The following BRF1 variants were observed in gnomAD, a reference collection of about 807,000 sequenced individuals.
The protein encoded by BRF1 is transcription factor IIIB 90 kDa subunit.
Under a neutral mutation model 81.7 loss-of-function variants are expected in BRF1, and 59 were observed. The ratio of observed to expected loss-of-function variants is 0.72; its 90% CI spans 0.59 to 0.90. The LOEUF is 0.90. Among genes scored for constraint, BRF1 ranks in the 40% least tolerant of loss-of-function variants. The pLI is 0.00. For missense variants in BRF1, 1,050 were observed against 936.3 expected, an observed-to-expected ratio of 1.12 and a Z score of -1.58; for synonymous variants, 491 against 395.6, an observed-to-expected ratio of 1.24 and a Z score of -2.86.
chr14:105,295,605 G>A (rs1394857505), intron 1 of BRF1, among the ~76,000 whole-genome samples: 3 of 151,500 alleles, frequency 2.0e-5, no homozygotes. Context: ...CCTAGACCCT[G>A]TCTCCCCAAC....
At chr14:105,292,414 T>C (rs1487904055) in intron 1 of BRF1, among the ~76,000 whole-genome samples, 2 of 152,226 alleles carry the variant, frequency 1.3e-5, no homozygotes, top group Non-Finnish European at 2.9e-5. Context: ...AGTTTCACTA[T>C]GTTGCCCACG....
chr14:105,307,786 T>C (rs1451646774), intron 1 of BRF1, among the ~76,000 whole-genome samples: 1 of 152,228 alleles, frequency 6.6e-6, no homozygotes, highest in Admixed American at 6.5e-5. Flanking sequence ...ATGGAGGACA[T>C]GTGTCTGGTA....
intron 16 of BRF1, chr14:105,211,499 C>T: frequency 1.8e-6 from 1 of 565,450 alleles, no homozygotes; most frequent in South Asian, 2.3e-5. Context: ...ATCAAGATCC[C>T]ACCCTCAGGC....
At chr14:105,247,179 G>T in intron 5 of BRF1, 1 of 985,498 alleles carries the variant, frequency 1.0e-6, no homozygotes, top group Non-Finnish European at 1.2e-6. Flanking sequence ...GCCTCGGTGG[G>T]TGTGTCCTTG....
intron 1 of BRF1, among the ~76,000 whole-genome samples, chr14:105,306,468 T>G (rs1262794353): frequency 6.6e-6 from 1 of 151,940 alleles, no homozygotes; most frequent in Non-Finnish European, 1.5e-5. Flanking sequence ...CATGCCCGGC[T>G]AATTTTTTGT....
At chr14:105,294,226 C>G (rs1333839792) in intron 1 of BRF1, among the ~76,000 whole-genome samples, 3 of 152,266 alleles carry the variant, frequency 2.0e-5, no homozygotes, top group East Asian at 1.9e-4. Context: ...CCTCGCAGCA[C>G]TTCCCCCAGG....
chr14:105,314,717 GGGGCGCC>G (rs2058483904), intron 1 of BRF1: 1 of 143,074 alleles, frequency 7.0e-6, no homozygotes, highest in African/African-American at 2.5e-5. Flanking sequence ...GGGCGCGGGC[GGGGCGCC>G]GGGCGGGGCG....
In BRF1 at chr14:105,209,446, T is replaced by A. The variant is rs1310244734; in HGVS notation, c.*1105A>T. The A allele has an allele frequency of 7.2e-6, 5 of 695,038 alleles. No homozygotes were observed. In the South Asian group the frequency reaches 7.5e-5, roughly 10 times the overall value. 43.1% of individuals were successfully genotyped at this position (695,038 alleles called of 1,614,324 possible). On this transcript the variant is annotated 3_prime_UTR_variant, in exon 18 of 18. Coordinates refer to ENST00000547530, the MANE Select transcript of BRF1 (RefSeq NM_001519.4). Reference sequence around the variant, plus strand: ...AAGTTGGGGCAGGACATACAGCCCATTCCATGGGGAGGATGAGGCCCCTGG... The same window carrying A: ...AAGTTGGGGCAGGACATACAGCCCAATCCATGGGGAGGATGAGGCCCCTGG...
intron 5 of BRF1, chr14:105,249,381 T>C (rs764421382): frequency 3.1e-6 from 5 of 1,612,208 alleles, no homozygotes; most frequent in African/African-American, 1.3e-5. Flanking sequence ...TGTCGGCAGC[T>C]CCGTCTTCTA....
intron 3 of BRF1, among the ~76,000 whole-genome samples, chr14:105,265,029 A>G (rs1376041172): frequency 1.3e-5 from 2 of 151,452 alleles, no homozygotes; most frequent in Non-Finnish European, 2.9e-5. Context: ...ACATCAAGTC[A>G]TAAGTTCTAC....
intron 2 of BRF1, among the ~76,000 whole-genome samples, chr14:105,282,531 G>GA (rs1200966241): frequency 2.6e-5 from 4 of 152,210 alleles, no homozygotes; most frequent in African/African-American, 9.7e-5. Context: ...GGGCTGATAT[G>GA]AAAACTTCAA....
intron 1 of BRF1, among the ~76,000 whole-genome samples, chr14:105,296,467 T>C (rs1352691449): frequency 6.7e-6 from 1 of 148,838 alleles, no homozygotes; most frequent in Admixed American, 6.7e-5. Flanking sequence ...GAGCCGAGAT[T>C]GTGCCACTGG....
At chr14:105,262,876 G>A (rs2056222141) in intron 3 of BRF1, among the ~76,000 whole-genome samples, 1 of 152,036 alleles carries the variant, frequency 6.6e-6, no homozygotes, top group Non-Finnish European at 1.5e-5. Context: ...GCAGTGCCAG[G>A]CCAGGATTGC....
At chr14:105,273,226 T>C (rs1266216867) in intron 2 of BRF1, among the ~76,000 whole-genome samples, 1 of 152,128 alleles carries the variant, frequency 6.6e-6, no homozygotes, top group African/African-American at 2.4e-5. Flanking sequence ...GGCTGGCAGG[T>C]GCTATGCCCC....
At chr14:105,264,562 G>C (rs945655210) in intron 3 of BRF1, among the ~76,000 whole-genome samples, 2 of 151,050 alleles carry the variant, frequency 1.3e-5, no homozygotes, top group African/African-American at 4.9e-5. Flanking sequence ...AGCTACTCGG[G>C]AAGCTGAGGC....
chr14:105,283,816 T>C lies in BRF1; in HGVS notation c.265+2480A>G, dbSNP rs2057210752. On this transcript the variant is annotated intron_variant, in intron 2 of 17. Transcript: ENST00000547530. The stretch of plus-strand genomic sequence containing the variant: ...AAAGCTCTTCACATGGAGAAAATCT[T>C]GAAGTCAGTAGAAGAAAAAAAGGAG... Among the ~76,000 whole-genome samples the C allele has an allele frequency of 1.3e-5, 2 of 152,076 alleles. 1 individual carries two copies. The highest frequency in any genetic ancestry group is 1.3e-4 in the Admixed American group (2 of 15,264).
chr14:105,275,943 TGGGG>T (rs1230608952), intron 2 of BRF1, among the ~76,000 whole-genome samples: 252 of 145,722 alleles, frequency 1.7e-3, no homozygotes, highest in Middle Eastern at 7.5e-3. Context: ...ACTAGAGAGC[TGGGG>T]AGGAGGCCAC....
At chr14:105,262,745 C>A (rs2056216159) in intron 3 of BRF1, among the ~76,000 whole-genome samples, 1 of 152,200 alleles carries the variant, frequency 6.6e-6, no homozygotes, top group Non-Finnish European at 1.5e-5. Context: ...TTCAAGCACA[C>A]ACATGCAACC....
intron 1 of BRF1, among the ~76,000 whole-genome samples, chr14:105,308,463 G>A (rs961067697): frequency 8.0e-5 from 12 of 150,884 alleles, no homozygotes; most frequent in East Asian, 2.0e-4. Context: ...GCCTGGGCAC[G>A]ACAGAGGCAG....
Sources: gnomAD v4.1 joint callset for allele counts (sites outside exome capture counted in the v4.1 genomes callset) on GRCh38, gnomAD v4.1.1 for gene constraint, MANE v1.5 for transcripts, NCBI Gene and HGNC (gene_info 2026-07-23, HGNC 2026-07-21) for gene names.